Variants in KIAA0319L observed in about 807,000 individuals in gnomAD.
KIAA0319L encodes the protein KIAA0319 like.
KIAA0319L carries 55 observed loss-of-function variants against 120.1 expected under a neutral mutation model. That is an observed-to-expected ratio of 0.46 (90% CI 0.37 to 0.57). KIAA0319L has a LOEUF of 0.57. Ranked by LOEUF, KIAA0319L falls within the 20% of genes least tolerant of loss-of-function variation. KIAA0319L has a pLI of 0.00. For synonymous variants in KIAA0319L, 398 were observed against 471.9 expected, an observed-to-expected ratio of 0.84 and a Z score of 2.03; for missense variants, 1,049 against 1,255.3, an observed-to-expected ratio of 0.84 and a Z score of 2.48.
intron 3 of KIAA0319L, among the ~76,000 whole-genome samples, chr1:35,490,554 G>T (rs570159392): frequency 4.6e-5 from 7 of 152,000 alleles, no homozygotes; most frequent in Non-Finnish European, 1.0e-4. Context: ...AACTGATCCA[G>T]AAATAACAGA....
intron 3 of KIAA0319L, among the ~76,000 whole-genome samples, chr1:35,502,399 GTAAACATCAGTTAT>G (rs1284806059): frequency 6.6e-6 from 1 of 151,784 alleles, no homozygotes; most frequent in African/African-American, 2.4e-5. Context: ...TAAATGCTCA[GTAAACATCAGTTAT>G]TGCTGCTGTC....
At chr1:35,530,224 G>T in intron 2 of KIAA0319L, among the ~76,000 whole-genome samples, 1 of 148,614 alleles carries the variant, frequency 6.7e-6, no homozygotes. Context: ...TGTAAAGTCA[G>T]GGCTTCACTA....
In KIAA0319L at chr1:35,456,159, C is replaced by A; in HGVS notation, c.1510G>T (p.Val504Leu). Residue 504 changes from valine to leucine, a missense_variant, in exon 10 of 21, where the codon GTG becomes TTG. Val to Leu is a conservative substitution (Grantham distance 32). Coordinates refer to ENST00000325722, the MANE Select transcript of KIAA0319L (RefSeq NM_024874.5). ...ACTTGGTTGGGGCCTGCGTTGGCCA[C>A]AGGGGGGTAATCCACAGCTTTGTTC... ...TVNKAVDYPP[V>L]ANAGPNQVIT... 9.9e-6 allele frequency: 16 copies of A among 1,613,648 alleles called. No individual in the cohort carries two copies. Among genetic ancestry groups the A allele is most frequent in the Non-Finnish European group, 1.4e-5 (16 of 1,179,812 alleles).
At chr1:35,537,121 G>GTATAGGTTCTAAAAAGTAT (rs1646605494) in intron 2 of KIAA0319L, among the ~76,000 whole-genome samples, 1 of 152,174 alleles carries the variant, frequency 6.6e-6, no homozygotes, top group Non-Finnish European at 1.5e-5. Flanking sequence ...ATACATAAAA[G>GTATAGGTTCTAAAAAGTAT]TGGTTCTAAA....
intron 2 of KIAA0319L, among the ~76,000 whole-genome samples, chr1:35,544,477 G>A (rs963035030): frequency 6.6e-6 from 1 of 151,958 alleles, no homozygotes; most frequent in African/African-American, 2.4e-5. Flanking sequence ...GGAGTGAGTC[G>A]GAGGAAAGGC....
chr1:35,451,096 T>C (rs912975660), intron 13 of KIAA0319L, among the ~76,000 whole-genome samples: 1 of 145,494 alleles, frequency 6.9e-6, no homozygotes, highest in Admixed American at 6.7e-5. Context: ...GCTATCAACT[T>C]AAGGCCCTCA....
At chr1:35,542,368 C>T (rs1319412192) in intron 2 of KIAA0319L, among the ~76,000 whole-genome samples, 1 of 152,184 alleles carries the variant, frequency 6.6e-6, no homozygotes, top group African/African-American at 2.4e-5. Flanking sequence ...CACCCAAGTC[C>T]ATGCTCCACG....
intron 2 of KIAA0319L, among the ~76,000 whole-genome samples, chr1:35,512,871 CAA>C (rs746942793): frequency 1.4e-3 from 69 of 48,382 alleles, no homozygotes; most frequent in African/African-American, 3.1e-3. Flanking sequence ...GACTCCATCT[CAA>C]AAAAAAAAAA....
chr1:35,435,174 A>G (rs955770370), intron 20 of KIAA0319L, 93 bp from the exon 21 acceptor site: 63 of 1,148,038 alleles, frequency 5.5e-5, no homozygotes, highest in Admixed American at 2.9e-4. Flanking sequence ...GCCAAGGAAC[A>G]GGGCAAGTCA....
intron 2 of KIAA0319L, among the ~76,000 whole-genome samples, chr1:35,537,551 G>A (rs1186856682): frequency 1.4e-5 from 2 of 146,566 alleles, no homozygotes; most frequent in East Asian, 4.2e-4. Flanking sequence ...GGCCAATAGA[G>A]GAAAAGTTTA....
intron 4 of KIAA0319L, among the ~76,000 whole-genome samples, chr1:35,477,257 T>C (rs887898204): frequency 3.3e-5 from 5 of 152,186 alleles, no homozygotes; most frequent in Non-Finnish European, 5.9e-5. Flanking sequence ...AATAATCCCA[T>C]TTAAAAATGG....
At chr1:35,498,742 T>A (rs907083385) in intron 3 of KIAA0319L, among the ~76,000 whole-genome samples, 10 of 152,206 alleles carry the variant, frequency 6.6e-5, no homozygotes, top group African/African-American at 2.2e-4. Context: ...GGTTACATAA[T>A]CACAATCCAT....
In KIAA0319L at chr1:35,453,848, T is replaced by C. The variant is rs574949716; in HGVS notation, c.1781-159A>G. Among the ~76,000 whole-genome samples, 4 of 152,248 alleles carry C rather than the reference T, an allele frequency of 2.6e-5. No individual in the cohort carries two copies. The South Asian group carries it at 6.2e-4, about 24-fold the overall frequency. On this transcript the variant is annotated intron_variant, in intron 11 of 20. Transcript: ENST00000325722. The surrounding 1 kb of genome is among the most constrained non-coding windows in gnomAD (Gnocchi z 4.1). ...GTGGTTACCGTCAGGGAGCACACAA[T>C]AAAGAATATAAGGCTGAAACATATC...
Position 35,488,548 on chromosome 1 carries a change from A to G in KIAA0319L, c.667-9336T>C, listed in dbSNP as rs199620744. On this transcript the variant is annotated intron_variant, in intron 3 of 20. Transcript: ENST00000325722. ...ATTGAAACAGAAACTAAGATTTGGA[A>G]TCATGCTCCTAAAGCCATGGGAGTG... Among the ~76,000 whole-genome samples the G allele has an allele frequency of 1.8e-4, 28 of 152,330 alleles. No homozygotes were observed. In the East Asian group the frequency reaches 5.0e-3, roughly 27 times the overall value.
intron 3 of KIAA0319L, among the ~76,000 whole-genome samples, chr1:35,481,955 G>GTCC (rs1644189060): frequency 1.3e-5 from 2 of 150,584 alleles, no homozygotes; most frequent in African/African-American, 2.4e-5. Flanking sequence ...CTCCTGAGTA[G>GTCC]CTGGGACTAC....
At chr1:35,460,194 C>T in intron 9 of KIAA0319L, 111 bp downstream of exon 9, 1 of 888,448 alleles carries the variant, frequency 1.1e-6, no homozygotes, top group Admixed American at 2.4e-5. Context: ...GTATTATCAA[C>T]CAACTCCACA....
chr1:35,446,109 C>T (rs11264158), intron 16 of KIAA0319L, among the ~76,000 whole-genome samples: 7,386 of 152,182 alleles, frequency 0.049, 425 homozygotes, highest in East Asian at 0.25. Flanking sequence ...TTCTAGGTAC[C>T]CAGACCCCAC....
Position 35,548,453 on chromosome 1 carries a change from A to G in KIAA0319L, c.142+5897T>C, listed in dbSNP as rs200105183. On this transcript the variant is annotated intron_variant, in intron 2 of 20. Coordinates refer to ENST00000325722, the MANE Select transcript of KIAA0319L (RefSeq NM_024874.5). ...TTATATTTAATACTAGCATTAAAGT[A>G]TTATAGTGTTTGCCTTAAGAGGTGC... is the stretch of plus-strand genomic sequence containing the variant. Among the ~76,000 whole-genome samples the G allele has an allele frequency of 7.2e-5, 11 of 152,330 alleles. No homozygotes were observed. In the East Asian group the frequency reaches 1.7e-3, roughly 24 times the overall value.
At chr1:35,443,754 T>A (rs1641406072) in intron 17 of KIAA0319L, among the ~76,000 whole-genome samples, 2 of 152,122 alleles carry the variant, frequency 1.3e-5, no homozygotes, top group African/African-American at 4.8e-5. Flanking sequence ...CTATCATAAT[T>A]TTGAAGTAGT....
Sources: gnomAD v4.1 joint callset for allele counts (sites outside exome capture counted in the v4.1 genomes callset) on GRCh38, gnomAD v4.1.1 for gene constraint, Gnocchi (gnomAD v3.1) non-coding constraint, MANE v1.5 for transcripts, NCBI Gene and HGNC (gene_info 2026-07-23, HGNC 2026-07-21) for gene names.